Variants in GSAP observed in about 807,000 individuals in gnomAD.
The protein encoded by GSAP is gamma-secretase-activating protein.
A neutral mutation model predicts 131.7 loss-of-function variants in GSAP; 118 were observed. The observed-to-expected ratio is 0.90, with a 90% confidence interval of 0.77 to 1.04. The LOEUF (loss-of-function observed/expected upper bound fraction) is 1.04, where lower values mean the gene tolerates loss of function less well. Among genes scored for constraint, GSAP ranks in the 50% least tolerant of loss-of-function variants. The pLI is 0.00. For missense variants in GSAP, 1,019 were observed against 1,013.2 expected (o/e 1.01, Z -0.08); for synonymous variants, 381 against 363.4 (o/e 1.05, Z -0.55).
intron 19 of GSAP, among the ~76,000 whole-genome samples, chr7:77,336,758 G>A (rs980791614): frequency 1.3e-5 from 2 of 152,160 alleles, no homozygotes; most frequent in Non-Finnish European, 2.9e-5. Context: ...AAAGTGACGG[G>A]ATTATAGGCA....
intron 1 of GSAP, among the ~76,000 whole-genome samples, chr7:77,411,056 C>T (rs1306819393): frequency 1.8e-5 from 2 of 110,746 alleles, no homozygotes; most frequent in East Asian, 2.4e-4. Context: ...AAAGAATTAG[C>T]GGAAAAAAAA....
chr7:77,336,220 C>G (rs565333930), intron 19 of GSAP, among the ~76,000 whole-genome samples: 3 of 152,258 alleles, frequency 2.0e-5, no homozygotes, highest in Non-Finnish European at 4.4e-5. Context: ...TGGCTCTAAA[C>G]TATTCCATCT....
chr7:77,355,243 G>A lies in GSAP; in HGVS notation c.1308C>T (p.Cys436=), dbSNP rs747156430. The change falls in exon 16 of 31, where the codon TGC becomes TGT. Residue 436 remains cysteine, a synonymous_variant. Coordinates refer to ENST00000257626, the MANE Select transcript of GSAP (RefSeq NM_017439.4). ...CTTCCAGGAACTGCGCACCTTGACC[G>A]CAGTAGAGCGCGCAGTGCAACGCAG... ...KMAALHCALY[C]GQGAQFLEAQ... is the part of the protein sequence containing the mutation. 113 of 1,613,180 alleles carry A rather than the reference G, an allele frequency of 7.0e-5. 1 individual carries two copies. In the Middle Eastern group the frequency reaches 2.6e-3, roughly 38 times the overall value.
In GSAP at chr7:77,353,163, C is replaced by G. The variant is rs4729347; in HGVS notation, c.1409-137G>C. On this transcript the variant is annotated intron_variant, in intron 17 of 30. Coordinates refer to ENST00000257626, the MANE Select transcript of GSAP (RefSeq NM_017439.4). Reference sequence around the variant, plus strand: ...CCCTCATCCTCAAAACGGTAACCATCATGATTTTATCTACTGACTAAAATG... The same window carrying G: ...CCCTCATCCTCAAAACGGTAACCATGATGATTTTATCTACTGACTAAAATG... The G allele has an allele frequency of 6.6e-6, 4 of 607,868 alleles. No individual in the cohort carries two copies. In the African/African-American group the frequency reaches 7.4e-5, roughly 11 times the overall value. The allele number at this position is 607,868 out of a possible 1,614,324, so 37.7% of individuals were successfully genotyped here.
intron 5 of GSAP, among the ~76,000 whole-genome samples, chr7:77,389,612 C>T (rs927352870): frequency 3.5e-4 from 53 of 152,202 alleles, no homozygotes; most frequent in African/African-American, 1.2e-3. Flanking sequence ...AGGACATGAA[C>T]TCATCATTTT....
At chr7:77,313,374 GA>G in intron 28 of GSAP, 113 bp downstream of exon 28, 1 of 630,738 alleles carries the variant, frequency 1.6e-6, no homozygotes, top group South Asian at 1.9e-5. Context: ...GTTGAAAAGT[GA>G]AACAATTCAA....
chr7:77,387,402 ATTG>A lies in GSAP; in HGVS notation c.411_413del (p.Asn138del). 2.5e-6 allele frequency: 4 copies of A among 1,605,820 alleles called. No homozygotes were observed. The highest frequency in any genetic ancestry group is 3.4e-6 in the Non-Finnish European group (4 of 1,172,504). ...TATCCACAGCCTTTAGAACCTTCAC[ATTG>A]TTAACAGGGTGGATTTCAACCAACA... On this transcript the variant is annotated inframe_deletion, in exon 6 of 31. Transcript: ENST00000257626.
At chr7:77,412,341 CT>C (rs1409689223) in intron 1 of GSAP, among the ~76,000 whole-genome samples, 1 of 152,002 alleles carries the variant, frequency 6.6e-6, no homozygotes, top group Non-Finnish European at 1.5e-5. Context: ...AAAAATTGGA[CT>C]CCTATAAATC....
chr7:77,372,831 T>C (rs1435127275), intron 12 of GSAP, among the ~76,000 whole-genome samples: 6 of 152,242 alleles, frequency 3.9e-5, no homozygotes, highest in African/African-American at 9.6e-5. Context: ...GCCTGGCCCC[T>C]GCCTGCCTCT....
intron 16 of GSAP, 180 bp from the exon 17 acceptor site, chr7:77,353,821 G>T (rs1738326620): frequency 8.4e-6 from 4 of 478,988 alleles, no homozygotes; most frequent in South Asian, 3.5e-5. Context: ...AGGTAAAACG[G>T]TATTTTATAA....
intron 19 of GSAP, among the ~76,000 whole-genome samples, chr7:77,339,927 A>G (rs1002635876): frequency 6.6e-6 from 1 of 152,216 alleles, no homozygotes; most frequent in Admixed American, 6.5e-5. Flanking sequence ...TGTAAATGTA[A>G]ATTATCCCTT....
intron 18 of GSAP, chr7:77,351,415 T>C: frequency 2.0e-6 from 2 of 981,476 alleles, no homozygotes; most frequent in Non-Finnish European, 2.4e-6. Flanking sequence ...GGAAACTTTT[T>C]ATTAAGGTTG....
intron 19 of GSAP, among the ~76,000 whole-genome samples, chr7:77,346,887 T>A (rs2150804541): frequency 6.6e-6 from 1 of 151,888 alleles, no homozygotes; most frequent in South Asian, 2.1e-4. Context: ...CTCTCCTGCC[T>A]TCCTTTCACC....
chr7:77,342,017 G>C (rs1320532628), intron 19 of GSAP, among the ~76,000 whole-genome samples: 1 of 152,166 alleles, frequency 6.6e-6, no homozygotes, highest in African/African-American at 2.4e-5. Flanking sequence ...CACAGCCTGG[G>C]ATACCTCCTA....
Position 77,311,127 on chromosome 7 carries a change from C to T in GSAP, c.*231G>A. 2.1e-6 allele frequency: 1 copy of T among 465,510 alleles called. No individual in the cohort carries two copies. The highest frequency in any genetic ancestry group is 3.9e-6 in the Non-Finnish European group (1 of 259,234). The allele number at this position is 465,510 out of a possible 1,614,324, so 28.8% of individuals were successfully genotyped here. ...CATCGTTTATGCCACTGTATGCCTT[C>T]TTAGGCCATTTATCATTTCTCTACA... On this transcript the variant is annotated 3_prime_UTR_variant, in exon 31 of 31. Transcript: ENST00000257626.
intron 1 of GSAP, among the ~76,000 whole-genome samples, chr7:77,406,593 A>G (rs2151190219): frequency 6.6e-6 from 1 of 152,332 alleles, no homozygotes; most frequent in East Asian, 1.9e-4. Flanking sequence ...AAAAGTTAAT[A>G]TTAACTTTTT....
At chr7:77,391,096 C>T (rs1799425542) in intron 5 of GSAP, among the ~76,000 whole-genome samples, 1 of 129,482 alleles carries the variant, frequency 7.7e-6, no homozygotes, top group Non-Finnish European at 1.6e-5. Context: ...CACTGCACTC[C>T]AGCGTGGGCA....
intron 10 of GSAP, 45 bp from the exon 11 acceptor site, chr7:77,375,146 G>A (rs758927791): frequency 8.5e-7 from 1 of 1,177,902 alleles, no homozygotes; most frequent in Non-Finnish European, 1.2e-6. Flanking sequence ...GACAGAAAGT[G>A]ATGACAGTTC....
At chr7:77,343,077 T>C (rs931012206) in intron 19 of GSAP, among the ~76,000 whole-genome samples, 5 of 152,316 alleles carry the variant, frequency 3.3e-5, no homozygotes, top group East Asian at 1.9e-4. Flanking sequence ...GGCTGTATGG[T>C]TGGAGTTCTC....
Sources: allele counts gnomAD v4.1 joint callset (sites outside exome capture counted in the v4.1 genomes callset), GRCh38; gene constraint gnomAD v4.1.1; transcripts MANE v1.5; gene names NCBI Gene and HGNC (gene_info 2026-07-23, HGNC 2026-07-21).